Variants in TSHZ2 observed in about 807,000 individuals in gnomAD.
TSHZ2 encodes teashirt homolog 2.
A neutral mutation model predicts 74.4 loss-of-function variants in TSHZ2; 21 were observed. The observed-to-expected ratio is 0.28, with a 90% CI of 0.20 to 0.41. The LOEUF (loss-of-function observed/expected upper bound fraction) is 0.41. TSHZ2 is among the 10% of genes least tolerant of loss of function. The pLI is 1.00. For synonymous variants in TSHZ2, 540 were observed against 515.3 expected, an observed-to-expected ratio of 1.05 and a Z score of -0.65; for missense variants, 1,244 against 1,293.5, an observed-to-expected ratio of 0.96 and a Z score of 0.59.
At chr20:52,998,805 GC>G (rs1474294570) in intron 1 of TSHZ2, among the ~76,000 whole-genome samples, 2 of 152,156 alleles carry the variant, frequency 1.3e-5, no homozygotes, top group African/African-American at 4.8e-5. Flanking sequence ...GTGAACAGAT[GC>G]GTGCTCTCAG....
intron 2 of TSHZ2, among the ~76,000 whole-genome samples, chr20:53,261,532 C>G (rs965107695): frequency 3.9e-5 from 6 of 152,194 alleles, no homozygotes; most frequent in Non-Finnish European, 7.4e-5. Flanking sequence ...TAGCATCTCT[C>G]AAGCAGCAAG....
At chr20:53,476,112 C>A (rs1985984636) in intron 2 of TSHZ2, among the ~76,000 whole-genome samples, 1 of 144,220 alleles carries the variant, frequency 6.9e-6, no homozygotes, top group Non-Finnish European at 1.5e-5. Context: ...CCTTCTGGAA[C>A]TATTCCAATC....
intron 2 of TSHZ2, among the ~76,000 whole-genome samples, chr20:53,452,637 CTG>C (rs1331677364): frequency 6.7e-6 from 1 of 150,348 alleles, no homozygotes; most frequent in Non-Finnish European, 1.5e-5. Context: ...AAATCAATCA[CTG>C]TATCTCTCTG....
intron 1 of TSHZ2, among the ~76,000 whole-genome samples, chr20:53,106,432 T>A (rs1986372105): frequency 8.3e-6 from 1 of 120,444 alleles, no homozygotes; most frequent in African/African-American, 3.1e-5. Flanking sequence ...TGAGACGGAG[T>A]CTTGCTCTGT....
At chr20:53,109,153 A>G (rs1986460895) in intron 1 of TSHZ2, among the ~76,000 whole-genome samples, 1 of 152,206 alleles carries the variant, frequency 6.6e-6, no homozygotes, top group Admixed American at 6.5e-5. Flanking sequence ...AAATACAAAA[A>G]TACACTTCCG....
intron 2 of TSHZ2, among the ~76,000 whole-genome samples, chr20:53,445,314 G>T (rs1405359209): frequency 6.6e-6 from 1 of 152,176 alleles, no homozygotes; most frequent in South Asian, 2.1e-4. Flanking sequence ...CGATAGAAAA[G>T]TGCCTACAGT....
chr20:53,089,525 C>G lies in TSHZ2; in HGVS notation c.40+116192C>G, dbSNP rs549545550. On this transcript the variant is annotated intron_variant, in intron 1 of 2. Transcript: ENST00000371497. ...TATCTATTACATGCCAGGCACTGTA[C>G]TTGGCATTTGGGATAACATAGTGAC... 5.9e-5 allele frequency among the ~76,000 whole-genome samples: 9 copies of G among 152,130 alleles called. No homozygotes were observed. The South Asian group carries it at 1.9e-3, about 32-fold the overall frequency.
chr20:53,191,139 C>T (rs941467641), intron 1 of TSHZ2, among the ~76,000 whole-genome samples: 2 of 151,956 alleles, frequency 1.3e-5, no homozygotes, highest in East Asian at 1.9e-4. Context: ...AATATACACA[C>T]GTATACATAC....
rs1055992523 is a variant in TSHZ2, at chr20:53,443,331, A to C, written c.*9-43813A>C. Among the ~76,000 whole-genome samples, 34 of 152,322 alleles carry C rather than the reference A, an allele frequency of 2.2e-4. 1 individual carries two copies. Among genetic ancestry groups the C allele is most frequent in the African/African-American group, 8.2e-4 (34 of 41,570 alleles). On this transcript the variant is annotated intron_variant, in intron 2 of 2. Coordinates refer to ENST00000371497, the MANE Select transcript of TSHZ2 (RefSeq NM_173485.6). ...GAGGGATCTTTTAAATATTTAGAAAACATGGGAAGTACCGTTTTAATGTAT... is the reference window on the plus strand; with the variant it reads ...GAGGGATCTTTTAAATATTTAGAAACCATGGGAAGTACCGTTTTAATGTAT...
Position 53,254,031 on chromosome 20 carries a change from G to T in TSHZ2, c.573G>T (p.Leu191=), listed in dbSNP as rs372768850. ...CTCGGTCCGTCTCGAAACCCAGCCTGTTCAGCTCGGTGCAGTTGTACCGAC... is the reference window on the plus strand; with the variant it reads ...CTCGGTCCGTCTCGAAACCCAGCCTTTTCAGCTCGGTGCAGTTGTACCGAC... The part of the protein sequence containing the change: ...LPSRSVSKPS[L]FSSVQLYRQS... The change falls in exon 2 of 3, where the codon CTG becomes CTT. Residue 191 remains leucine (L), a synonymous_variant. Transcript: ENST00000371497. 6 of 1,614,034 alleles carry T rather than the reference G, an allele frequency of 3.7e-6. No homozygotes were observed. The highest frequency in any genetic ancestry group is 2.2e-5 in the East Asian group (1 of 44,880).
Position 53,479,169 on chromosome 20 carries a change from T to TAA in TSHZ2, c.*9-7957_*9-7956dup, listed in dbSNP as rs71194483. 4.2e-3 allele frequency among the ~76,000 whole-genome samples: 527 copies of TAA among 126,254 alleles called. 1 individual carries two copies. Among genetic ancestry groups the TAA allele is most frequent in the African/African-American group, 0.014 (504 of 35,372 alleles). 82.8% of individuals were successfully genotyped at this position (126,254 alleles called of 152,430 possible). On this transcript the variant is annotated intron_variant, in intron 2 of 2. Coordinates refer to ENST00000371497, the MANE Select transcript of TSHZ2 (RefSeq NM_173485.6). ...AACAGGGCAAGACTCTGTCTCAATT[T>TAA]AAAAAAAAAAAAAAAAAAAGGAGAA...
At chr20:53,345,399 AAC>A in intron 2 of TSHZ2, among the ~76,000 whole-genome samples, 1 of 152,260 alleles carries the variant, frequency 6.6e-6, no homozygotes, top group African/African-American at 2.4e-5. Flanking sequence ...GTCAGGGAAT[AAC>A]ACACACAGAG....
intron 2 of TSHZ2, among the ~76,000 whole-genome samples, chr20:53,313,162 A>G (rs1475343869): frequency 6.6e-6 from 1 of 152,232 alleles, no homozygotes; most frequent in Non-Finnish European, 1.5e-5. Context: ...ACTAGCCAAG[A>G]CTTGGAATAC....
intron 1 of TSHZ2, among the ~76,000 whole-genome samples, chr20:52,999,103 T>C (rs1982314552): frequency 1.9e-5 from 1 of 53,806 alleles, no homozygotes; most frequent in South Asian, 4.0e-4. Flanking sequence ...TACTCTTCAC[T>C]GCCACATTCC....
intron 1 of TSHZ2, among the ~76,000 whole-genome samples, chr20:53,082,321 C>T (rs371329513): frequency 2.0e-5 from 3 of 152,206 alleles, no homozygotes; most frequent in African/African-American, 2.4e-5. Context: ...ATAGAGCAAG[C>T]GAATTGTTTT....
intron 2 of TSHZ2, among the ~76,000 whole-genome samples, chr20:53,372,140 G>T (rs1358154838): frequency 6.6e-6 from 1 of 152,094 alleles, no homozygotes; most frequent in East Asian, 1.9e-4. Context: ...CACATTCTGA[G>T]GTTCCAAACG....
intron 2 of TSHZ2, among the ~76,000 whole-genome samples, chr20:53,329,856 G>A (rs1332775302): frequency 6.6e-6 from 1 of 152,120 alleles, no homozygotes; most frequent in Non-Finnish European, 1.5e-5. Context: ...ACAGAGCCAG[G>A]CCAATGTTAA....
At chr20:53,104,067 T>A (rs1471244897) in intron 1 of TSHZ2, among the ~76,000 whole-genome samples, 1 of 152,146 alleles carries the variant, frequency 6.6e-6, no homozygotes, top group East Asian at 1.9e-4. Context: ...TCTGATGAGA[T>A]CTGAAGTGGG....
chr20:53,232,285 C>A (rs919578127), intron 1 of TSHZ2, among the ~76,000 whole-genome samples: 2 of 152,176 alleles, frequency 1.3e-5, no homozygotes, highest in Non-Finnish European at 1.5e-5. Context: ...TACAGTCTTC[C>A]TCACTGGATC....
Sources: allele counts gnomAD v4.1 joint callset (sites outside exome capture counted in the v4.1 genomes callset), GRCh38; gene constraint gnomAD v4.1.1; transcripts MANE v1.5; gene names NCBI Gene and HGNC (gene_info 2026-07-23, HGNC 2026-07-21).